Variants in CDC27 observed in about 807,000 individuals in gnomAD.
CDC27 encodes cell division cycle 27, also known as cell division cycle protein 27 homolog.
A neutral mutation model predicts 109.7 loss-of-function variants in CDC27; 27 were observed. The ratio of observed to expected loss-of-function variants is 0.25; its 90% confidence interval spans 0.18 to 0.34. The LOEUF (loss-of-function observed/expected upper bound fraction) is 0.34. CDC27 is among the 10% of genes least tolerant of loss of function. The pLI, the probability that CDC27 is intolerant of heterozygous loss-of-function variation, is 1.00. For missense variants in CDC27, 579 were observed against 960.2 expected (o/e 0.60, Z 5.25); for synonymous variants, 266 against 333.9 (o/e 0.80, Z 2.22).
intron 17 of CDC27, among the ~76,000 whole-genome samples, chr17:47,122,974 T>C (rs1346188520): frequency 6.6e-6 from 1 of 152,074 alleles, no homozygotes; most frequent in Non-Finnish European, 1.5e-5. Context: ...GCCTCTACAA[T>C]TCTAAATATT....
intron 9 of CDC27, 85 bp downstream of exon 9, chr17:47,151,721 G>A (rs11570507): frequency 0.051 from 52,419 of 1,026,028 alleles, 1,597 homozygotes; most frequent in Non-Finnish European, 0.06. Flanking sequence ...TAGAATCCAC[G>A]AGAGTCACTA....
chr17:47,131,819 C>A (rs895035819), intron 15 of CDC27, among the ~76,000 whole-genome samples: 18 of 52,226 alleles, frequency 3.4e-4, no homozygotes, highest in Non-Finnish European at 6.7e-4. Context: ...CAGGTGTGCA[C>A]CACCATGCCA....
At chr17:47,149,573 T>A (rs2063091448) in intron 9 of CDC27, among the ~76,000 whole-genome samples, 1 of 149,952 alleles carries the variant, frequency 6.7e-6, no homozygotes, top group Non-Finnish European at 1.5e-5. Context: ...GAAAATGATA[T>A]CAGATCGCAA....
intron 4 of CDC27, among the ~76,000 whole-genome samples, chr17:47,160,574 G>A (rs1284773372): frequency 6.6e-6 from 1 of 152,140 alleles, no homozygotes; most frequent in Non-Finnish European, 1.5e-5. Flanking sequence ...TTAGTGGCTA[G>A]TGAGACCAAT....
At chr17:47,161,786 A>G (rs1156986823) in intron 4 of CDC27, 3 of 151,850 alleles carry the variant, frequency 2.0e-5, no homozygotes, top group Non-Finnish European at 2.9e-5. Flanking sequence ...GTGAAATCTC[A>G]TTGTTTGAGG....
intron 17 of CDC27, among the ~76,000 whole-genome samples, chr17:47,123,402 C>CTTTTTTTTTTTTTTTTT (rs57868315): frequency 8.1e-6 from 1 of 123,002 alleles, no homozygotes; most frequent in Admixed American, 9.0e-5. Flanking sequence ...TTTTTTTCTA[C>CTTTTTTTTTTTTTTTTT]TTTTTTTTTT....
chr17:47,129,467 T>C lies in CDC27; in HGVS notation c.2086A>G (p.Ile696Val), dbSNP rs1317632438. The change falls in exon 16 of 19, where the codon ATT becomes GTT. Residue 696 changes from isoleucine (I) to valine (V), a missense_variant. By Grantham distance (29) the Ile-to-Val change is conservative (BLOSUM62 3). This residue lies in a region of CDC27 where 227 missense variants were observed against 363.6 expected (regional missense o/e 0.62). Transcript: ENST00000066544. ...AGAGGGTTCTTGGGATCAATGACAATGGCTTTGTTTAGGGTATCCAAAGCC... is the reference window on the plus strand; with the variant it reads ...AGAGGGTTCTTGGGATCAATGACAACGGCTTTGTTTAGGGTATCCAAAGCC... ...EKALDTLNKA[I>V]VIDPKNPLCK... is the part of the protein sequence containing the mutation. The C allele has an allele frequency of 3.1e-6, 5 of 1,609,338 alleles. No individual in the cohort carries two copies. The highest frequency in any genetic ancestry group is 4.3e-6 in the Non-Finnish European group (5 of 1,175,906).
chr17:47,149,758 T>C (rs1323175705), intron 9 of CDC27, among the ~76,000 whole-genome samples: 1 of 151,778 alleles, frequency 6.6e-6, no homozygotes, highest in Non-Finnish European at 1.5e-5. Flanking sequence ...AGTTTGACGC[T>C]AGCCTGGCCA....
intron 1 of CDC27, among the ~76,000 whole-genome samples, chr17:47,185,551 A>T (rs1163546339): frequency 6.6e-6 from 1 of 151,998 alleles, no homozygotes; most frequent in African/African-American, 2.4e-5. Flanking sequence ...TTTTTGTTAA[A>T]TTTTTTATAC....
intron 2 of CDC27, among the ~76,000 whole-genome samples, chr17:47,174,841 A>G (rs2063932184): frequency 6.6e-6 from 1 of 152,120 alleles, no homozygotes; most frequent in African/African-American, 2.4e-5. Context: ...CTGTGATCCC[A>G]GCTACTCGGG....
At chr17:47,178,847 G>A (rs181671161) in intron 2 of CDC27, among the ~76,000 whole-genome samples, 372 of 152,020 alleles carry the variant, frequency 2.4e-3, no homozygotes, top group Non-Finnish European at 4.1e-3. Context: ...CTGTTGCCCA[G>A]GCTGGAGTGC....
intron 13 of CDC27, among the ~76,000 whole-genome samples, chr17:47,138,419 TAATTTA>T (rs2062689309): frequency 6.6e-6 from 1 of 152,240 alleles, no homozygotes; most frequent in Non-Finnish European, 1.5e-5. Context: ...TAATTTATTT[TAATTTA>T]AAATTATTAA....
chr17:47,137,114 T>C (rs1490745327), intron 14 of CDC27, 38 bp downstream of exon 14: 1 of 1,277,318 alleles, frequency 7.8e-7, no homozygotes, highest in Admixed American at 2.2e-5. Context: ...ACCAGCACCA[T>C]CAATACGACT....
Position 47,181,583 on chromosome 17 carries a change from C to A in CDC27, c.82G>T (p.Ala28Ser). The part of the protein sequence containing the change: ...HYAYRDAVFL[A>S]ERLYAEVHSE... ...AAACCTTCTGCATAAAGGCGTTCTG[C>A]GAGGAAAACCGCATCTCGGTAAGCA... Residue 28 changes from alanine to serine, a missense_variant, in exon 2 of 19, where the codon GCA becomes TCA. Physicochemically the swap from Ala to Ser is moderately conservative, Grantham distance 99. This residue lies in a region of CDC27 where 44 missense variants were observed against 102.2 expected (regional missense o/e 0.43). Coordinates refer to ENST00000066544, the MANE Select transcript of CDC27 (RefSeq NM_001256.6). 1 of 1,604,292 alleles carries A rather than the reference C, an allele frequency of 6.2e-7. No individual in the cohort carries two copies. Among genetic ancestry groups the A allele is most frequent in the Non-Finnish European group, 8.5e-7 (1 of 1,172,402 alleles).
At chr17:47,189,110 T>A in intron 1 of CDC27, 36 bp downstream of exon 1, 1 of 1,609,008 alleles carries the variant, frequency 6.2e-7, no homozygotes, top group Non-Finnish European at 8.5e-7. Context: ...CGACCGAGGC[T>A]GCCAGCCAAG....
intron 8 of CDC27, among the ~76,000 whole-genome samples, chr17:47,152,396 T>TA (rs1489267713): frequency 6.6e-6 from 1 of 152,166 alleles, no homozygotes. Context: ...GAGTAGATTT[T>TA]AAAAAAACAA....
intron 4 of CDC27, among the ~76,000 whole-genome samples, chr17:47,162,916 C>G (rs1157567440): frequency 2.0e-5 from 3 of 152,012 alleles, no homozygotes; most frequent in Non-Finnish European, 1.5e-5. Context: ...TAAGAGCTAA[C>G]TAGGGAAGAA....
At chr17:47,127,089 T>C (rs2062163890) in intron 16 of CDC27, among the ~76,000 whole-genome samples, 2 of 152,100 alleles carry the variant, frequency 1.3e-5, no homozygotes, top group African/African-American at 4.8e-5. Flanking sequence ...CCACGGCACC[T>C]GGCCCTAAAA....
Position 47,147,428 on chromosome 17 carries a change from C to A in CDC27, c.1071-3446G>T, listed in dbSNP as rs553513528. On this transcript the variant is annotated intron_variant, in intron 9 of 18. Coordinates refer to ENST00000066544, the MANE Select transcript of CDC27 (RefSeq NM_001256.6). ...ACAAACAAACAAACAAACAAACAAA[C>A]AAAAAAAAAAACACTAGGCATAGAA... Among the ~76,000 whole-genome samples the A allele has an allele frequency of 9.2e-3, 1,234 of 134,634 alleles. 10 individuals are homozygous for A. Among genetic ancestry groups the A allele is most frequent in the Middle Eastern group, 0.029 (8 of 276 alleles). 88.3% of individuals were successfully genotyped at this position (134,634 alleles called of 152,430 possible).
Sources: allele counts gnomAD v4.1 joint callset (sites outside exome capture counted in the v4.1 genomes callset), GRCh38; gene constraint gnomAD v4.1.1; regional missense constraint gnomAD v4.1.1; transcripts MANE v1.5; gene names NCBI Gene and HGNC (gene_info 2026-07-23, HGNC 2026-07-21).